TMEM259: variants seen among roughly 807,000 people sequenced by gnomAD.
TMEM259 encodes the protein transmembrane protein 259, also known as membralin.
Under a neutral mutation model 46.7 loss-of-function variants are expected in TMEM259, and 26 were observed. The observed-to-expected ratio is 0.56, with a 90% CI of 0.41 to 0.77. The LOEUF (loss-of-function observed/expected upper bound fraction) is 0.77. Among genes scored for constraint, TMEM259 ranks in the 30% least tolerant of loss-of-function variants. The pLI, the probability that TMEM259 is intolerant of heterozygous loss-of-function variation, is 0.00. For synonymous variants in TMEM259, 494 were observed against 395.1 expected, an observed-to-expected ratio of 1.25 and a Z score of -2.97; for missense variants, 930 against 900.5, an observed-to-expected ratio of 1.03 and a Z score of -0.42.
At chr19:1,012,025 C>T (rs114980668) in intron 5 of TMEM259, 33 bp from the exon 6 acceptor site, 1 of 1,611,794 alleles carries the variant, frequency 6.2e-7, no homozygotes, top group Admixed American at 1.7e-5. Flanking sequence ...CGCCCGCCCC[C>T]ACCCGCGCCC....
At position 1,010,680 on chromosome 19, in the gene TMEM259, C is replaced by A; in HGVS notation, c.1533G>T (p.Gly511=). Residue 511 remains glycine (G), a synonymous_variant, in exon 11 of 11, where the codon GGG becomes GGT. Coordinates refer to ENST00000356663, the MANE Select transcript of TMEM259 (RefSeq NM_001033026.2). ...GCGCCGCTGCCACAGGCCCGGGACTCCCGCTGGCCCCAGGCGAGACGGGGC... is the reference window on the plus strand; with the variant it reads ...GCGCCGCTGCCACAGGCCCGGGACTACCGCTGGCCCCAGGCGAGACGGGGC... ...ALGPVSPGAS[G]SPGPVAAAPS... 2 of 1,532,882 alleles carry A rather than the reference C, an allele frequency of 1.3e-6. No individual in the cohort carries two copies. Among genetic ancestry groups the A allele is most frequent in the Non-Finnish European group, 1.7e-6 (2 of 1,145,278 alleles). The allele number at this position is 1,532,882 out of a possible 1,614,324, so 95.0% of individuals were successfully genotyped here.
chr19:1,020,822 G>C lies in TMEM259; in HGVS notation c.175C>G (p.Leu59Val), dbSNP rs1009656597. Residue 59 changes from leucine (L) to valine (V), a missense_variant, in exon 1 of 11, where the codon CTC (leucine) becomes GTC (valine). By Grantham distance (32) the Leu-to-Val change is conservative (BLOSUM62 1). Transcript: ENST00000356663. The surrounding 1 kb of genome is among the most constrained non-coding windows in gnomAD (Gnocchi z 4.0). ...AGACGGCGGAAGGCGGGCGGGAAGA[G>C]CCGCGAATAGGTGACAGCCATCTTG... is the stretch of plus-strand genomic sequence containing the variant. ...FFKMAVTYSR[L>V]FPPAFRRLFE... 2 of 1,370,228 alleles carry C rather than the reference G, an allele frequency of 1.5e-6. No homozygotes were observed. The highest frequency in any genetic ancestry group is 1.9e-6 in the Non-Finnish European group (2 of 1,057,630). The allele number at this position is 1,370,228 out of a possible 1,614,324, so 84.9% of individuals were successfully genotyped here. A position where few individuals can be genotyped will look rare whatever the true frequency, so the allele number is the denominator to read the frequency against.
chr19:1,014,536 C>T, intron 1 of TMEM259, 63 bp from the exon 2 acceptor site: 1 of 1,517,502 alleles, frequency 6.6e-7, no homozygotes, highest in South Asian at 1.2e-5. Flanking sequence ...ACCCAAGGGC[C>T]TACGTGATGG....
At position 1,010,219 on chromosome 19, in the gene TMEM259, C is replaced by T. The variant is rs1272949439; in HGVS notation, c.*131G>A. 1.1e-6 allele frequency: 1 copy of T among 933,366 alleles called. No homozygotes were observed. Among genetic ancestry groups the T allele is most frequent in the Non-Finnish European group, 1.5e-6 (1 of 669,200 alleles). The allele number at this position is 933,366 out of a possible 1,614,324, so 57.8% of individuals were successfully genotyped here. ...AAAGCCGCCTTCCGGGCAAACCCCA[C>T]GAAACCCTGAAAGCCCCCGACACAG... On this transcript the variant is annotated 3_prime_UTR_variant, in exon 11 of 11. Transcript: ENST00000356663.
Position 1,010,154 on chromosome 19 carries a change from C to CTCAAACACCGA in TMEM259, c.*195_*196insTCGGTGTTTGA. 2 of 551,932 alleles carry CTCAAACACCGA rather than the reference C, an allele frequency of 3.6e-6. No individual in the cohort carries two copies. Among genetic ancestry groups the CTCAAACACCGA allele is most frequent in the Non-Finnish European group, 6.2e-6 (2 of 324,228 alleles). The allele number at this position is 551,932 out of a possible 1,614,324, so 34.2% of individuals were successfully genotyped here. A position where few individuals can be genotyped will look rare whatever the true frequency, so the allele number is the denominator to read the frequency against. ...CTGACCAGCTCAAACACCTCACTAGCGGGTACAAGCCTCGGGCGCGACCTC... is the reference window on the plus strand; with the variant it reads ...CTGACCAGCTCAAACACCTCACTAGCTCAAACACCGAGGGTACAAGCCTCGGGCGCGACCTC... On this transcript the variant is annotated 3_prime_UTR_variant, in exon 11 of 11. Coordinates refer to ENST00000356663, the MANE Select transcript of TMEM259 (RefSeq NM_001033026.2).
Position 1,012,538 on chromosome 19 carries a change from G to C in TMEM259, c.643C>G (p.Leu215Val), listed in dbSNP as rs1238638776. ...GACAGGCGAAGGAAGCCATACTCTA[G>C]TGAGTACTCCACGATGTACTCGTCC... The part of the protein sequence containing the change: ...PQDEYIVEYS[L>V]EYGFLRLSQA... Residue 215 changes from leucine to valine, a missense_variant, in exon 4 of 11, where the codon CTA becomes GTA. Coordinates refer to ENST00000356663, the MANE Select transcript of TMEM259 (RefSeq NM_001033026.2). 1 of 1,599,864 alleles carries C rather than the reference G, an allele frequency of 6.3e-7. No individual in the cohort carries two copies. The highest frequency in any genetic ancestry group is 1.3e-5 in the African/African-American group (1 of 74,810).
At position 1,020,655 on chromosome 19, in the gene TMEM259, G is replaced by C. The variant is rs562200010; in HGVS notation, c.225+117C>G. The C allele has an allele frequency of 1.3e-5, 9 of 676,468 alleles. No individual in the cohort carries two copies. In the African/African-American group the frequency reaches 1.7e-4, roughly 13 times the overall value. The allele number at this position is 676,468 out of a possible 1,614,324, so 41.9% of individuals were successfully genotyped here. A position where few individuals can be genotyped will look rare whatever the true frequency, so the allele number is the denominator to read the frequency against. ...TCGGTAGGGCCGGGTATAGGCCTCA[G>C]GGTGCAGGGTGGCGCTCGCTGTCCC... On this transcript the variant is annotated intron_variant, in intron 1 of 10. Coordinates refer to ENST00000356663, the MANE Select transcript of TMEM259 (RefSeq NM_001033026.2). This position sits in a 1 kb window ranked among gnomAD's most constrained non-coding sequence, Gnocchi z 4.0.
chr19:1,019,730 GA>G (rs888499436), intron 1 of TMEM259, among the ~76,000 whole-genome samples: 2 of 152,186 alleles, frequency 1.3e-5, no homozygotes, highest in African/African-American at 4.8e-5. Flanking sequence ...GCCAGCATCG[GA>G]CCCCTCTTTG....
chr19:1,017,629 A>G lies in TMEM259; in HGVS notation c.225+3143T>C, dbSNP rs567548451. Among the ~76,000 whole-genome samples the G allele has an allele frequency of 2.4e-4, 37 of 152,214 alleles. No homozygotes were observed. In the South Asian group the frequency reaches 3.9e-3, roughly 16 times the overall value. ...GCCGTGCTCACCGCCTCCTCCAGGAAGCTTCCTGGATGTTCTGGCCGAGGC... is the reference window on the plus strand; with the variant it reads ...GCCGTGCTCACCGCCTCCTCCAGGAGGCTTCCTGGATGTTCTGGCCGAGGC... On this transcript the variant is annotated intron_variant, in intron 1 of 10. Coordinates refer to ENST00000356663, the MANE Select transcript of TMEM259 (RefSeq NM_001033026.2).
chr19:1,018,456 C>T (rs2039180381), intron 1 of TMEM259, among the ~76,000 whole-genome samples: 1 of 152,168 alleles, frequency 6.6e-6, no homozygotes, highest in Non-Finnish European at 1.5e-5. Context: ...AGCTCAGCTG[C>T]ACAGATGCCA....
chr19:1,019,970 G>A (rs1473264720), intron 1 of TMEM259, among the ~76,000 whole-genome samples: 1 of 152,162 alleles, frequency 6.6e-6, no homozygotes, highest in Non-Finnish European at 1.5e-5. Context: ...GCACGGCTGA[G>A]ACCTCTGCCA....
At chr19:1,011,246 C>A in intron 9 of TMEM259, 51 bp from the exon 10 acceptor site, 1 of 1,549,826 alleles carries the variant, frequency 6.5e-7, no homozygotes, top group South Asian at 1.2e-5. Flanking sequence ...CCTGCCAGGC[C>A]CAGCCCCTGG....
rs375020540 is a variant in TMEM259, at chr19:1,011,599, G to A, written c.1065C>T (p.Thr355=). ...AIAFPAAPLL[T]VILALVGMEA... is the part of the protein sequence containing the mutation. ...CCTCACCGACGAGGGCCAGGATGAC[G>A]GTCAGCAGGGGCGCTGCGGGGAAGG... The change falls in exon 8 of 11, where the codon ACC becomes ACT. Residue 355 remains threonine (T), a synonymous_variant. Transcript: ENST00000356663. The A allele has an allele frequency of 1.2e-4, 183 of 1,544,766 alleles. No homozygotes were observed. The highest frequency in any genetic ancestry group is 5.3e-4 in the Middle Eastern group (3 of 5,624).
chr19:1,009,740 C>T lies in TMEM259; in HGVS notation c.*610G>A, dbSNP rs1318311870. The T allele has an allele frequency of 6.3e-6, 5 of 796,960 alleles. No individual in the cohort carries two copies. Among genetic ancestry groups the T allele is most frequent in the Non-Finnish European group, 7.1e-6 (4 of 565,550 alleles). 49.4% of individuals were successfully genotyped at this position (796,960 alleles called of 1,614,324 possible). ...ATGGAATGAGCGCTCCTCCGCATTC[C>T]TCCCCGAGTGACTGGTTTGGCCGCC... On this transcript the variant is annotated 3_prime_UTR_variant, in exon 11 of 11. Coordinates refer to ENST00000356663, the MANE Select transcript of TMEM259 (RefSeq NM_001033026.2).
Position 1,012,142 on chromosome 19 carries a change from C to T in TMEM259, c.765G>A (p.Leu255=). Residue 255 remains leucine, a synonymous_variant, in exon 5 of 11, where the codon CTG becomes CTA. Coordinates refer to ENST00000356663, the MANE Select transcript of TMEM259 (RefSeq NM_001033026.2). The stretch of plus-strand genomic sequence containing the variant: ...CATCGTAGCCCAGGAACTCATCCAG[C>T]AGCAGGCGGCTGAAGCGGTCCCCGA... ...QCFGDRFSRL[L]LDEFLGYDDI... is the part of the protein sequence containing the mutation. 1.9e-6 allele frequency: 3 copies of T among 1,609,236 alleles called. No individual in the cohort carries two copies. Among genetic ancestry groups the T allele is most frequent in the South Asian group, 1.1e-5 (1 of 90,434 alleles).
At chr19:1,019,781 C>T (rs1247211806) in intron 1 of TMEM259, among the ~76,000 whole-genome samples, 1 of 152,220 alleles carries the variant, frequency 6.6e-6, no homozygotes, top group Non-Finnish European at 1.5e-5. Context: ...ACTTCAGCAG[C>T]CCCCAAGCCC....
intron 3 of TMEM259, among the ~76,000 whole-genome samples, chr19:1,013,008 C>T (rs538729233): frequency 6.6e-6 from 1 of 152,280 alleles, no homozygotes; most frequent in East Asian, 1.9e-4. Context: ...CCCTCCAAGT[C>T]GCCGTTCACG....
chr19:1,012,805 C>T (rs1158211173), intron 3 of TMEM259, among the ~76,000 whole-genome samples: 2 of 152,190 alleles, frequency 1.3e-5, no homozygotes, highest in African/African-American at 2.4e-5. Flanking sequence ...GGCCCCCTCT[C>T]CCTGGCTGGG....
At chr19:1,015,811 G>A (rs1599484819) in intron 1 of TMEM259, among the ~76,000 whole-genome samples, 1 of 152,200 alleles carries the variant, frequency 6.6e-6, no homozygotes, top group Admixed American at 6.5e-5. Flanking sequence ...AGACCACCAG[G>A]AGCCTCAACT....
Sources: gnomAD v4.1 joint callset for allele counts (sites outside exome capture counted in the v4.1 genomes callset) on GRCh38, gnomAD v4.1.1 for gene constraint, Gnocchi (gnomAD v3.1) non-coding constraint, MANE v1.5 for transcripts, NCBI Gene and HGNC (gene_info 2026-07-23, HGNC 2026-07-21) for gene names.